The following SLC35E1 variants were observed in gnomAD, a reference collection of about 807,000 sequenced individuals.
SLC35E1 encodes the protein solute carrier family 35, member E1.
A neutral mutation model predicts 31.0 loss-of-function variants in SLC35E1; 12 were observed. That is an observed-to-expected ratio of 0.39 (90% confidence interval 0.25 to 0.63). The LOEUF is 0.63. SLC35E1 is among the 20% of genes least tolerant of loss of function. The probability of loss-of-function intolerance (pLI) is 0.52; values close to 1 mark genes in which losing one functional copy is unlikely to be tolerated. For missense variants in SLC35E1, 429 were observed against 572.2 expected (o/e 0.75, Z 2.55); for synonymous variants, 257 against 264.1 (o/e 0.97, Z 0.26).
intron 4 of SLC35E1, among the ~76,000 whole-genome samples, chr19:16,560,036 T>C (rs1210543063): frequency 2.0e-5 from 3 of 152,202 alleles, no homozygotes; most frequent in Non-Finnish European, 4.4e-5. Context: ...AGTTATGTTT[T>C]CAAAGCCTTT....
At chr19:16,562,080 T>TA (rs890104078) in intron 4 of SLC35E1, among the ~76,000 whole-genome samples, 68 of 140,550 alleles carry the variant, frequency 4.8e-4, no homozygotes, top group Admixed American at 7.8e-4. Context: ...TAGCCTCAAC[T>TA]AAAAAAAAAA....
At position 16,552,665 on chromosome 19, in the gene SLC35E1, A is replaced by G. The variant is rs1316957897; in HGVS notation, c.*1014T>C. 1.3e-5 allele frequency: 2 copies of G among 152,174 alleles called. No homozygotes were observed. The highest frequency in any genetic ancestry group is 1.3e-4 in the Admixed American group (2 of 15,262). 9.4% of individuals were successfully genotyped at this position (152,174 alleles called of 1,614,324 possible). ...TTTGTTTTTAAACGTTTACAAACAA[A>G]AAGATTTTCGATGCATAGGCCAGTC... On this transcript the variant is annotated 3_prime_UTR_variant, in exon 6 of 6. Coordinates refer to ENST00000595753, the MANE Select transcript of SLC35E1 (RefSeq NM_024881.5).
chr19:16,558,267 C>A (rs1014304369), intron 4 of SLC35E1, among the ~76,000 whole-genome samples: 6 of 152,156 alleles, frequency 3.9e-5, no homozygotes, highest in Admixed American at 6.5e-5. Flanking sequence ...TGGTCTCGAA[C>A]TCCTGACCTC....
At position 16,572,151 on chromosome 19, in the gene SLC35E1, C is replaced by A; in HGVS notation, c.214G>T (p.Gly72Trp). The A allele has an allele frequency of 6.6e-7, 1 of 1,514,864 alleles. No individual in the cohort carries two copies. The highest frequency in any genetic ancestry group is 2.8e-5 in the East Asian group (1 of 36,296). 93.8% of individuals were successfully genotyped at this position (1,514,864 alleles called of 1,614,324 possible). A position where few individuals can be genotyped will look rare whatever the true frequency, so the allele number is the denominator to read the frequency against. ...SLCHILALCA[G>W]LPPLLRAWRV... ...CAGGCGCGCAGCAGCGGCGGGAGCC[C>A]AGCGCACAGAGCCAGGATGTGGCAC... is the stretch of plus-strand genomic sequence containing the variant. The change falls in exon 1 of 6, where the codon GGG becomes TGG. Residue 72 changes from glycine to tryptophan, a missense_variant. Physicochemically the swap from Gly to Trp is radical, Grantham distance 184. Coordinates refer to ENST00000595753, the MANE Select transcript of SLC35E1 (RefSeq NM_024881.5). The surrounding 1 kb of genome is among the most constrained non-coding windows in gnomAD (Gnocchi z 4.1).
chr19:16,551,787 C>T lies in SLC35E1; in HGVS notation c.*1892G>A, dbSNP rs2085846963. On this transcript the variant is annotated 3_prime_UTR_variant, in exon 6 of 6. Coordinates refer to ENST00000595753, the MANE Select transcript of SLC35E1 (RefSeq NM_024881.5). Reference sequence around the variant, plus strand: ...TTTTTTTTTTTGAGACAGAGTCTCACTCTGTCACCAAGGCTGGAGTGCAGT... The same window carrying T: ...TTTTTTTTTTTGAGACAGAGTCTCATTCTGTCACCAAGGCTGGAGTGCAGT... 6.9e-6 allele frequency: 1 copy of T among 145,334 alleles called. No individual in the cohort carries two copies. Among genetic ancestry groups the T allele is most frequent in the Admixed American group, 7.0e-5 (1 of 14,386 alleles). The allele number at this position is 145,334 out of a possible 1,614,324, so 9.0% of individuals were successfully genotyped here. A position where few individuals can be genotyped will look rare whatever the true frequency, so the allele number is the denominator to read the frequency against.
intron 4 of SLC35E1, among the ~76,000 whole-genome samples, chr19:16,563,975 A>G (rs973058601): frequency 6.6e-6 from 1 of 152,248 alleles, no homozygotes; most frequent in Non-Finnish European, 1.5e-5. Flanking sequence ...TCAAAACAGC[A>G]AAGATCTGGA....
rs2085858689 is a variant in SLC35E1, at chr19:16,553,809, G to A, written c.1103C>T (p.Pro368Leu). The change falls in exon 6 of 6, where the codon CCC (proline) becomes CTC (leucine). Residue 368 changes from proline (P) to leucine (L), a missense_variant. Pro to Leu is a moderately conservative substitution (Grantham distance 98). Transcript: ENST00000595753. ...KERHRSPLEK[P>L]HNGLLFPQHG... ...CTGGGGGAAGAGGAGGCCGTTGTGG[G>A]GCTTCTCCAGTGGGCTCCGGTGACG... is the stretch of plus-strand genomic sequence containing the variant. The A allele has an allele frequency of 6.2e-7, 1 of 1,614,030 alleles. No homozygotes were observed. The highest frequency in any genetic ancestry group is 2.2e-5 in the East Asian group (1 of 44,882).
At chr19:16,563,817 T>C (rs189068070) in intron 4 of SLC35E1, among the ~76,000 whole-genome samples, 1 of 152,310 alleles carries the variant, frequency 6.6e-6, no homozygotes, top group Non-Finnish European at 1.5e-5. Context: ...GCACTCCAGT[T>C]GCAATTGTGC....
Position 16,572,290 on chromosome 19 carries a change from G to A in SLC35E1, c.75C>T (p.Arg25=), listed in dbSNP as rs2085964210. 5.4e-6 allele frequency: 8 copies of A among 1,490,578 alleles called. No individual in the cohort carries two copies. Among genetic ancestry groups the A allele is most frequent in the Admixed American group, 2.2e-5 (1 of 45,028 alleles). 92.3% of individuals were successfully genotyped at this position (1,490,578 alleles called of 1,614,324 possible). A position where few individuals can be genotyped will look rare whatever the true frequency, so the allele number is the denominator to read the frequency against. Residue 25 remains arginine (R), a synonymous_variant, in exon 1 of 6, where the codon CGC becomes CGT. Coordinates refer to ENST00000595753, the MANE Select transcript of SLC35E1 (RefSeq NM_024881.5). This position sits in a 1 kb window ranked among gnomAD's most constrained non-coding sequence, Gnocchi z 4.1. ...PGAASSSGGA[R]EGARVAALCL... is the part of the protein sequence containing the mutation. Reference sequence around the variant, plus strand: ...ACAGCGCCGCCACCCGCGCGCCCTCGCGCGCCCCACCACTGCTGCTCGCTG... The same window carrying A: ...ACAGCGCCGCCACCCGCGCGCCCTCACGCGCCCCACCACTGCTGCTCGCTG...
chr19:16,571,758 T>A (rs1263757045), intron 1 of SLC35E1, among the ~76,000 whole-genome samples, 176 bp from the exon 2 acceptor site: 1 of 152,108 alleles, frequency 6.6e-6, no homozygotes, highest in East Asian at 1.9e-4. Context: ...ACCTCTCAGC[T>A]CTCTTCTCAG....
intron 4 of SLC35E1, chr19:16,565,068 G>C: frequency 2.2e-6 from 1 of 454,284 alleles, no homozygotes; most frequent in South Asian, 1.6e-5. Context: ...TGGAAGAATC[G>C]CACTGGCCTC....
intron 2 of SLC35E1, among the ~76,000 whole-genome samples, chr19:16,570,503 C>T (rs2085952030): frequency 6.6e-6 from 1 of 152,194 alleles, no homozygotes; most frequent in Non-Finnish European, 1.5e-5. Context: ...AGACAACAAG[C>T]GCCCAACTTC....
chr19:16,551,267 G>C lies in SLC35E1; in HGVS notation c.*2412C>G, dbSNP rs1406522442. 6.6e-6 allele frequency: 1 copy of C among 152,148 alleles called. No homozygotes were observed. Among genetic ancestry groups the C allele is most frequent in the Non-Finnish European group, 1.5e-5 (1 of 68,042 alleles). The allele number at this position is 152,148 out of a possible 1,614,324, so 9.4% of individuals were successfully genotyped here. A position where few individuals can be genotyped will look rare whatever the true frequency, so the allele number is the denominator to read the frequency against. On this transcript the variant is annotated 3_prime_UTR_variant, in exon 6 of 6. Coordinates refer to ENST00000595753, the MANE Select transcript of SLC35E1 (RefSeq NM_024881.5). ...TGGGACCAAAGTATTTACAAAGCAAGCGAACAAGAGACGAAGCAAGAGGGA... is the reference window on the plus strand; with the variant it reads ...TGGGACCAAAGTATTTACAAAGCAACCGAACAAGAGACGAAGCAAGAGGGA...
intron 2 of SLC35E1, among the ~76,000 whole-genome samples, chr19:16,570,700 G>A (rs1282202619): frequency 2.0e-5 from 3 of 152,192 alleles, no homozygotes; most frequent in Admixed American, 1.3e-4. Context: ...ACTTCTGGCT[G>A]TTTTAATTTC....
intron 2 of SLC35E1, 125 bp downstream of exon 2, chr19:16,571,387 C>T: frequency 1.0e-6 from 1 of 960,266 alleles, no homozygotes; most frequent in South Asian, 1.3e-5. Context: ...GACCTCTACA[C>T]TGACTTCCCT....
At position 16,553,568 on chromosome 19, in the gene SLC35E1, A is replaced by G; in HGVS notation, c.*111T>C. ...ACCCCAGGGCTTCTGATGGAGAGTT[A>G]TGCACCGTCCCCTCGGCTGGGTTGT... On this transcript the variant is annotated 3_prime_UTR_variant, in exon 6 of 6. Transcript: ENST00000595753. The G allele has an allele frequency of 9.5e-7, 1 of 1,048,046 alleles. No individual in the cohort carries two copies. Among genetic ancestry groups the G allele is most frequent in the African/African-American group, 1.6e-5 (1 of 61,964 alleles). 64.9% of individuals were successfully genotyped at this position (1,048,046 alleles called of 1,614,324 possible). A position where few individuals can be genotyped will look rare whatever the true frequency, so the allele number is the denominator to read the frequency against.
intron 3 of SLC35E1, among the ~76,000 whole-genome samples, chr19:16,567,390 C>T (rs182957847): frequency 0.025 from 3,836 of 151,760 alleles, 167 homozygotes; most frequent in African/African-American, 0.088. Flanking sequence ...GCCTGTAATC[C>T]CAGTGCTTTA....
Position 16,551,599 on chromosome 19 carries a change from C to T in SLC35E1, c.*2080G>A, listed in dbSNP as rs2085845694. 2 of 152,168 alleles carry T rather than the reference C, an allele frequency of 1.3e-5. No individual in the cohort carries two copies. The highest frequency in any genetic ancestry group is 2.1e-4 in the South Asian group (1 of 4,824). 9.4% of individuals were successfully genotyped at this position (152,168 alleles called of 1,614,324 possible). A position where few individuals can be genotyped will look rare whatever the true frequency, so the allele number is the denominator to read the frequency against. ...GAAAGAAGGCAGCCATCACCTAAGA[C>T]CCCACAAGCCAAGCCGTGGTCCCCT... On this transcript the variant is annotated 3_prime_UTR_variant, in exon 6 of 6. Transcript: ENST00000595753.
chr19:16,569,088 G>A (rs1486904338), intron 2 of SLC35E1, among the ~76,000 whole-genome samples: 1 of 150,726 alleles, frequency 6.6e-6, no homozygotes, highest in Non-Finnish European at 1.5e-5. Flanking sequence ...GCAGTGGCAT[G>A]ATCTCGGCTC....
Sources: allele counts gnomAD v4.1 joint callset (sites outside exome capture counted in the v4.1 genomes callset), GRCh38; gene constraint gnomAD v4.1.1; non-coding constraint Gnocchi (gnomAD v3.1); transcripts MANE v1.5; gene names NCBI Gene and HGNC (gene_info 2026-07-23, HGNC 2026-07-21).